Variants in SMYD3 observed in about 807,000 individuals in gnomAD.
SMYD3 encodes SET and MYND domain containing 3.
In SMYD3, 36 loss-of-function variants were observed where a neutral mutation model predicts 57.7. The observed-to-expected ratio is 0.62, with a 90% CI of 0.48 to 0.82. The LOEUF is 0.82. Among genes scored for constraint, SMYD3 ranks in the 40% least tolerant of loss-of-function variants. SMYD3 has a pLI of 0.00. For synonymous variants in SMYD3, 211 were observed against 195.0 expected (o/e 1.08, Z -0.68); for missense variants, 515 against 538.8 (o/e 0.96, Z 0.44).
chr1:246,229,208 TTA>T (rs1315299611), intron 5 of SMYD3, among the ~76,000 whole-genome samples: 2 of 152,200 alleles, frequency 1.3e-5, no homozygotes, highest in Non-Finnish European at 1.5e-5. Context: ...AAATTCTACA[TTA>T]CCGTTCTCTT....
intron 5 of SMYD3, among the ~76,000 whole-genome samples, chr1:245,963,353 CAG>C (rs1257764063): frequency 2.0e-5 from 3 of 152,114 alleles, no homozygotes; most frequent in African/African-American, 7.2e-5. Context: ...ACTAGAGAGA[CAG>C]AGGGGCGCAT....
intron 5 of SMYD3, among the ~76,000 whole-genome samples, chr1:246,033,348 T>A (rs529631778): frequency 6.6e-5 from 10 of 152,154 alleles, no homozygotes; most frequent in Non-Finnish European, 1.3e-4. Context: ...ATGGCAACAT[T>A]AGAGAAATGG....
At chr1:246,280,998 C>T (rs1170494216) in intron 5 of SMYD3, among the ~76,000 whole-genome samples, 1 of 152,174 alleles carries the variant, frequency 6.6e-6, no homozygotes, top group Non-Finnish European at 1.5e-5. Flanking sequence ...AGAAGTATCT[C>T]CTATAGCCTA....
intron 9 of SMYD3, among the ~76,000 whole-genome samples, chr1:245,861,093 T>C (rs2051520215): frequency 6.6e-6 from 1 of 152,260 alleles, no homozygotes. Context: ...TTCACAATGC[T>C]GGCAACTGTC....
chr1:245,824,849 T>C (rs1282863987), intron 10 of SMYD3, among the ~76,000 whole-genome samples: 31 of 87,626 alleles, frequency 3.5e-4, no homozygotes, highest in African/African-American at 4.5e-4. Flanking sequence ...AGAACGAAAC[T>C]CCGTCTCAAA....
intron 10 of SMYD3, among the ~76,000 whole-genome samples, chr1:245,848,180 G>A (rs2050761925): frequency 6.6e-6 from 1 of 151,690 alleles, no homozygotes; most frequent in Non-Finnish European, 1.5e-5. Context: ...GTTCACTGTA[G>A]CCTCGACCTC....
At chr1:245,962,182 A>G (rs558316472) in intron 5 of SMYD3, among the ~76,000 whole-genome samples, 62 of 152,258 alleles carry the variant, frequency 4.1e-4, no homozygotes, top group Non-Finnish European at 7.5e-4. Context: ...AAACCATTTA[A>G]AAACCACCAA....
intron 5 of SMYD3, among the ~76,000 whole-genome samples, chr1:246,149,230 T>C (rs1231563468): frequency 6.6e-6 from 1 of 152,162 alleles, no homozygotes; most frequent in Non-Finnish European, 1.5e-5. Context: ...ACCCTTCTTT[T>C]CTCTACGAAG....
intron 5 of SMYD3, among the ~76,000 whole-genome samples, chr1:246,014,081 T>C (rs1425508009): frequency 6.6e-6 from 1 of 152,154 alleles, no homozygotes; most frequent in Admixed American, 6.5e-5. Flanking sequence ...TCCCAACACT[T>C]TGAGAGGCCA....
intron 5 of SMYD3, among the ~76,000 whole-genome samples, chr1:246,017,706 C>T (rs544205745): frequency 6.6e-6 from 1 of 152,248 alleles, no homozygotes; most frequent in East Asian, 1.9e-4. Context: ...TGTGAAGTTT[C>T]TCATTTTCTC....
At chr1:245,760,687 G>A (rs2045809131) in intron 11 of SMYD3, among the ~76,000 whole-genome samples, 1 of 152,202 alleles carries the variant, frequency 6.6e-6, no homozygotes, top group South Asian at 2.1e-4. Flanking sequence ...AGACACAAAA[G>A]GAATGTAAGG....
At chr1:246,157,296 C>T (rs1223164766) in intron 5 of SMYD3, among the ~76,000 whole-genome samples, 2 of 152,056 alleles carry the variant, frequency 1.3e-5, no homozygotes, top group African/African-American at 2.4e-5. Context: ...TGAGGCAGAG[C>T]GATAATTAAC....
intron 1 of SMYD3, among the ~76,000 whole-genome samples, chr1:246,506,089 T>C (rs527612282): frequency 2.0e-5 from 3 of 152,322 alleles, no homozygotes; most frequent in East Asian, 1.9e-4. Context: ...GTTTTGCACT[T>C]ACCGTCCCAC....
Position 245,831,232 on chromosome 1 carries a change from A to C in SMYD3, c.1076+27264T>G, listed in dbSNP as rs549731080. On this transcript the variant is annotated intron_variant, in intron 10 of 11. Transcript: ENST00000490107. Reference sequence around the variant, plus strand: ...TTACTGTCCTTCACAACAGAGGTACACAAAAGGCCTCAAACGATGAGCTGG... The same window carrying C: ...TTACTGTCCTTCACAACAGAGGTACCCAAAAGGCCTCAAACGATGAGCTGG... Among the ~76,000 whole-genome samples the C allele has an allele frequency of 2.6e-5, 4 of 152,370 alleles. No homozygotes were observed. In the East Asian group the frequency reaches 7.7e-4, roughly 29 times the overall value.
intron 5 of SMYD3, among the ~76,000 whole-genome samples, chr1:246,155,027 C>T (rs1349441581): frequency 1.3e-5 from 2 of 151,886 alleles, no homozygotes; most frequent in Admixed American, 6.6e-5. Flanking sequence ...GTGATCTGCC[C>T]GCCTCGGCCT....
chr1:246,451,806 T>C (rs571050778), intron 1 of SMYD3, among the ~76,000 whole-genome samples: 159 of 152,258 alleles, frequency 1.0e-3, no homozygotes, highest in Non-Finnish European at 1.8e-3. Flanking sequence ...TAAAAAGTAG[T>C]TTTTTTTAGT....
intron 8 of SMYD3, among the ~76,000 whole-genome samples, chr1:245,889,789 T>C (rs772909840): frequency 6.6e-5 from 10 of 152,336 alleles, no homozygotes; most frequent in Non-Finnish European, 1.5e-4. Flanking sequence ...AAAGCCATTC[T>C]GAGCAAAAAG....
chr1:245,908,301 A>G (rs974547940), intron 8 of SMYD3, among the ~76,000 whole-genome samples: 11 of 152,232 alleles, frequency 7.2e-5, no homozygotes, highest in African/African-American at 2.7e-4. Context: ...GCGATAGGAT[A>G]TAACCATTGT....
At position 246,395,758 on chromosome 1, in the gene SMYD3, A is replaced by G. The variant is rs1442629043; in HGVS notation, c.165-40664T>C. Among the ~76,000 whole-genome samples the G allele has an allele frequency of 2.1e-4, 31 of 147,892 alleles. No homozygotes were observed. The East Asian group carries it at 2.2e-3, about 11-fold the overall frequency. ...CAGGGAAGACGAACCCACCACAGTC[A>G]GACAGGGAAGAGGAACCCACCATGG... On this transcript the variant is annotated intron_variant, in intron 1 of 11. Transcript: ENST00000490107.
Sources: gnomAD v4.1 joint callset for allele counts (sites outside exome capture counted in the v4.1 genomes callset) on GRCh38, gnomAD v4.1.1 for gene constraint, MANE v1.5 for transcripts, NCBI Gene and HGNC (gene_info 2026-07-23, HGNC 2026-07-21) for gene names.